The following LRR1 variants were observed in gnomAD, a reference collection of about 807,000 sequenced individuals.
LRR1 encodes leucine-rich repeat protein 1.
LRR1 carries 29 observed loss-of-function variants against 31.6 expected under a neutral mutation model. The observed-to-expected ratio is 0.92, with a 90% CI of 0.68 to 1.25. The LOEUF is 1.25. LRR1 is among the 50% of genes most tolerant of loss of function. The probability of loss-of-function intolerance (pLI) is 0.00; values close to 1 mark genes in which losing one functional copy is unlikely to be tolerated. For missense variants in LRR1, 485 were observed against 487.2 expected (o/e 1.00, Z 0.04); for synonymous variants, 179 against 181.4 (o/e 0.99, Z 0.10).
At chr14:49,606,290 G>A (rs1284433003) in intron 2 of LRR1, among the ~76,000 whole-genome samples, 2 of 151,962 alleles carry the variant, frequency 1.3e-5, no homozygotes, top group Admixed American at 6.6e-5. Context: ...GCCTCCCAAA[G>A]TGCTAGGATT....
At chr14:49,610,289 AGGCTG>A (rs1882463840) in intron 3 of LRR1, among the ~76,000 whole-genome samples, 1 of 146,736 alleles carries the variant, frequency 6.8e-6, no homozygotes, top group Non-Finnish European at 1.5e-5. Flanking sequence ...CTTGTTGCCC[AGGCTG>A]GAGTGCAGTG....
At chr14:49,606,020 C>CT (rs57012174) in intron 2 of LRR1, among the ~76,000 whole-genome samples, 58 of 144,096 alleles carry the variant, frequency 4.0e-4, no homozygotes, top group South Asian at 8.8e-4. Flanking sequence ...CAAAAATTAG[C>CT]TTTTTTTTTT....
Position 49,599,063 on chromosome 14 carries a change from C to G in LRR1, c.43C>G (p.Pro15Ala). 6.2e-7 allele frequency: 1 copy of G among 1,609,372 alleles called. No homozygotes were observed. Among genetic ancestry groups the G allele is most frequent in the South Asian group, 1.1e-5 (1 of 90,190 alleles). Residue 15 changes from proline (P) to alanine (A), a missense_variant, in exon 1 of 4, where the codon CCC becomes GCC. Around this residue, in one of 3 missense-constraint regions of LRR1, gnomAD observed 260 missense variants for 249.6 expected, o/e 1.04. Transcript: ENST00000298288. Reference sequence around the variant, plus strand: ...GGTGGAGGTGATCAGCCGGCACTTGCCCGCCTTGGGGCTTAGGAACCGGGG... The same window carrying G: ...GGTGGAGGTGATCAGCCGGCACTTGGCCGCCTTGGGGCTTAGGAACCGGGG... Reference protein sequence around the residue: ...CEVEVISRHLPALGLRNRGKG... With the variant: ...CEVEVISRHLAALGLRNRGKG...
chr14:49,609,704 G>T (rs1036429233), intron 3 of LRR1, among the ~76,000 whole-genome samples: 1 of 148,648 alleles, frequency 6.7e-6, no homozygotes, highest in Admixed American at 6.7e-5. Flanking sequence ...ACCGCGCCTG[G>T]CCTTATTTTT....
At chr14:49,606,997 C>CTTATTTTATACTCT (rs1157704904) in intron 2 of LRR1, among the ~76,000 whole-genome samples, 1 of 151,442 alleles carries the variant, frequency 6.6e-6, no homozygotes, top group African/African-American at 2.4e-5. Flanking sequence ...CATTTCCTAT[C>CTTATTTTATACTCT]TTATTTTATA....
chr14:49,607,807 T>C lies in LRR1; in HGVS notation c.690T>C (p.Ser230=), dbSNP rs753407154. ...CTACACTCCAGAAGTCACTTCGGAGTTTGGACCTCAGCAAGAACAAAATCA... is the reference window on the plus strand; with the variant it reads ...CTACACTCCAGAAGTCACTTCGGAGCTTGGACCTCAGCAAGAACAAAATCA... The part of the protein sequence containing the change: ...CHSTLQKSLR[S]LDLSKNKIKA... Residue 230 remains serine (S), a synonymous_variant, in exon 3 of 4, where the codon AGT becomes AGC. Coordinates refer to ENST00000298288, the MANE Select transcript of LRR1 (RefSeq NM_152329.4). 6.2e-7 allele frequency: 1 copy of C among 1,614,076 alleles called. No individual in the cohort carries two copies. Among genetic ancestry groups the C allele is most frequent in the Non-Finnish European group, 8.5e-7 (1 of 1,179,980 alleles).
rs1424904860 is a variant in LRR1 at position 49,607,879 on chromosome 14, A to C, written c.762A>C (p.Leu254Phe). 9.9e-6 allele frequency: 16 copies of C among 1,613,084 alleles called. No homozygotes were observed. Among genetic ancestry groups the C allele is most frequent in the African/African-American group, 1.3e-5 (1 of 74,882 alleles). The change falls in exon 3 of 4, where the codon TTA becomes TTC. Residue 254 changes from leucine to phenylalanine, a missense_variant. Physicochemically the swap from Leu to Phe is conservative, Grantham distance 22. Around this residue, in one of 3 missense-constraint regions of LRR1, gnomAD observed 210 missense variants for 200.4 expected, o/e 1.05. Transcript: ENST00000298288. ...QFCQLQELKN[L>F]KLDDNELIQF... ...GCCAGCTCCAGGAACTTAAGAATTT[A>C]AAACTTGACGATAATGAATTGATTC... is the stretch of plus-strand genomic sequence containing the variant.
At chr14:49,613,274 G>C (rs1304920901) in intron 3 of LRR1, among the ~76,000 whole-genome samples, 1 of 151,584 alleles carries the variant, frequency 6.6e-6, no homozygotes. Context: ...GGGAGGCGGA[G>C]CTTGCAGTGA....
intron 1 of LRR1, chr14:49,601,468 A>T (rs921706535): frequency 1.4e-5 from 8 of 565,376 alleles, no homozygotes; most frequent in African/African-American, 5.8e-5. Flanking sequence ...TTTAAATTTT[A>T]AATATGCCAT....
At chr14:49,609,316 C>T (rs1403514334) in intron 3 of LRR1, among the ~76,000 whole-genome samples, 2 of 143,870 alleles carry the variant, frequency 1.4e-5, no homozygotes, top group Admixed American at 7.2e-5. Context: ...ACTTCTGCCT[C>T]CCAGACTCAA....
intron 3 of LRR1, among the ~76,000 whole-genome samples, chr14:49,611,212 C>T (rs183017086): frequency 4.6e-5 from 7 of 152,322 alleles, no homozygotes; most frequent in Admixed American, 3.3e-4. Flanking sequence ...TGCGGTGGCT[C>T]ACGCCTGTAA....
intron 3 of LRR1, among the ~76,000 whole-genome samples, chr14:49,609,554 G>A (rs751488099): frequency 4.7e-4 from 72 of 151,606 alleles, no homozygotes; most frequent in Non-Finnish European, 3.5e-4. Context: ...GCAGGCACCC[G>A]CCACCACACC....
chr14:49,600,370 G>A, intron 1 of LRR1: 1 of 1,590,844 alleles, frequency 6.3e-7, no homozygotes, highest in Admixed American at 1.7e-5. Context: ...ATTGATCTCC[G>A]AGATGACCCC....
intron 2 of LRR1, 68 bp downstream of exon 2, chr14:49,602,536 T>G: frequency 4.5e-6 from 6 of 1,337,080 alleles, no homozygotes; most frequent in Non-Finnish European, 1.1e-6. Flanking sequence ...AAACAGAGTC[T>G]TGTTCTGTCA....
chr14:49,599,804 C>A (rs900648708), intron 1 of LRR1, among the ~76,000 whole-genome samples: 1 of 146,036 alleles, frequency 6.8e-6, no homozygotes, highest in Non-Finnish European at 1.5e-5. Context: ...ACCGCGGCGG[C>A]GGCAGCGCCG....
chr14:49,611,204 C>A (rs559633170), intron 3 of LRR1, among the ~76,000 whole-genome samples: 1 of 152,144 alleles, frequency 6.6e-6, no homozygotes, highest in African/African-American at 2.4e-5. Context: ...AGGCCAGGTG[C>A]GGTGGCTCAC....
intron 3 of LRR1, among the ~76,000 whole-genome samples, chr14:49,611,441 C>T (rs1403933321): frequency 2.0e-5 from 3 of 152,218 alleles, no homozygotes; most frequent in African/African-American, 7.2e-5. Context: ...CACCACTGCA[C>T]TCCAGCTTGG....
chr14:49,607,142 C>G (rs982645530), intron 2 of LRR1, among the ~76,000 whole-genome samples: 4 of 151,972 alleles, frequency 2.6e-5, no homozygotes, highest in African/African-American at 9.7e-5. Flanking sequence ...ATCCTCCCAC[C>G]TCAGCCTCCC....
Position 49,598,944 on chromosome 14 carries a change from A to G in LRR1, c.-77A>G. The G allele has an allele frequency of 3.3e-6, 5 of 1,505,018 alleles. No individual in the cohort carries two copies. Among genetic ancestry groups the G allele is most frequent in the Non-Finnish European group, 3.6e-6 (4 of 1,114,356 alleles). 93.2% of individuals were successfully genotyped at this position (1,505,018 alleles called of 1,614,324 possible). On this transcript the variant is annotated 5_prime_UTR_variant, in exon 1 of 4. Coordinates refer to ENST00000298288, the MANE Select transcript of LRR1 (RefSeq NM_152329.4). Reference sequence around the variant, plus strand: ...CAGTGGGCAGCCCGCGTGCGCGAGGACCCCGATGGCGGCGCCGGGTGGCGG... The same window carrying G: ...CAGTGGGCAGCCCGCGTGCGCGAGGGCCCCGATGGCGGCGCCGGGTGGCGG...
Sources: allele counts gnomAD v4.1 joint callset (sites outside exome capture counted in the v4.1 genomes callset), GRCh38; gene constraint gnomAD v4.1.1; regional missense constraint gnomAD v4.1.1; transcripts MANE v1.5; gene names NCBI Gene and HGNC (gene_info 2026-07-23, HGNC 2026-07-21).